The following SLC2A13 variants were observed in gnomAD, a reference collection of about 807,000 sequenced individuals.
The protein encoded by SLC2A13 is solute carrier family 2 member 13.
In SLC2A13, 32 loss-of-function variants were observed where a neutral mutation model predicts 64.4. The ratio of observed to expected loss-of-function variants is 0.50; its 90% CI spans 0.37 to 0.67. The LOEUF is 0.67. Among genes scored for constraint, SLC2A13 ranks in the 30% least tolerant of loss-of-function variants. SLC2A13 has a pLI of 0.00. For synonymous variants in SLC2A13, 338 were observed against 327.1 expected, an observed-to-expected ratio of 1.03 and a Z score of -0.36; for missense variants, 743 against 829.2, an observed-to-expected ratio of 0.90 and a Z score of 1.28.
At chr12:39,989,464 G>A (rs1374943403) in intron 3 of SLC2A13, among the ~76,000 whole-genome samples, 1 of 152,170 alleles carries the variant, frequency 6.6e-6, no homozygotes, top group Non-Finnish European at 1.5e-5. Context: ...CTTTAAGGCA[G>A]GCTTCCTTTC....
chr12:39,982,859 C>T (rs1430733905), intron 3 of SLC2A13, among the ~76,000 whole-genome samples: 45 of 126,192 alleles, frequency 3.6e-4, no homozygotes, highest in East Asian at 9.8e-4. Context: ...AAAAAGAGCC[C>T]GCATTGCCAA....
intron 4 of SLC2A13, among the ~76,000 whole-genome samples, chr12:39,880,781 C>G (rs1437492086): frequency 6.6e-6 from 1 of 152,196 alleles, no homozygotes; most frequent in Non-Finnish European, 1.5e-5. Context: ...CTGGCGGCCT[C>G]AGGAAAGACC....
chr12:39,772,633 A>G (rs751290643), intron 7 of SLC2A13, among the ~76,000 whole-genome samples: 1 of 152,208 alleles, frequency 6.6e-6, no homozygotes, highest in African/African-American at 2.4e-5. Flanking sequence ...AAGAAAAAAG[A>G]AAGGCAGGCA....
chr12:39,990,698 T>C lies in SLC2A13; in HGVS notation c.925+37603A>G, dbSNP rs371340913. On this transcript the variant is annotated intron_variant, in intron 3 of 9. Coordinates refer to ENST00000280871, the MANE Select transcript of SLC2A13 (RefSeq NM_052885.4). ...GTTGTGACACTGTGGGGGGCCTCCATTGCCCCCTAGTGGCAGCTGTGCTTG... is the reference window on the plus strand; with the variant it reads ...GTTGTGACACTGTGGGGGGCCTCCACTGCCCCCTAGTGGCAGCTGTGCTTG... Among the ~76,000 whole-genome samples the C allele has an allele frequency of 3.9e-5, 6 of 152,300 alleles. No individual in the cohort carries two copies. The East Asian group carries it at 5.8e-4, about 15-fold the overall frequency.
intron 6 of SLC2A13, among the ~76,000 whole-genome samples, chr12:39,849,002 C>T (rs1272316409): frequency 6.6e-6 from 1 of 151,980 alleles, no homozygotes; most frequent in Non-Finnish European, 1.5e-5. Context: ...AAGGAAACAA[C>T]AGACACTGGG....
chr12:39,941,970 C>G (rs960263638), intron 4 of SLC2A13, among the ~76,000 whole-genome samples: 6 of 152,288 alleles, frequency 3.9e-5, no homozygotes, highest in Admixed American at 3.9e-4. Context: ...AAAGGATGTC[C>G]TTTCTCCACT....
Position 39,896,583 on chromosome 12 carries a change from T to G in SLC2A13, c.1035-24622A>C, listed in dbSNP as rs561978426. ...ATACATATATGTATGTATGTGTGTATATATGTATACATATATGTATGTATA... is the reference window on the plus strand; with the variant it reads ...ATACATATATGTATGTATGTGTGTAGATATGTATACATATATGTATGTATA... On this transcript the variant is annotated intron_variant, in intron 4 of 9. Coordinates refer to ENST00000280871, the MANE Select transcript of SLC2A13 (RefSeq NM_052885.4). 7.0e-3 allele frequency among the ~76,000 whole-genome samples: 1,054 copies of G among 149,658 alleles called. 15 individuals carry two copies. Among genetic ancestry groups the G allele is most frequent in the South Asian group, 0.011 (54 of 4,734 alleles).
intron 1 of SLC2A13, among the ~76,000 whole-genome samples, chr12:40,054,062 A>G (rs1049354666): frequency 6.6e-6 from 1 of 152,194 alleles, no homozygotes; most frequent in African/African-American, 2.4e-5. Context: ...ACTATTATGT[A>G]TTTGTGTAAT....
chr12:39,965,163 A>C (rs547753773), intron 3 of SLC2A13, among the ~76,000 whole-genome samples: 1 of 152,330 alleles, frequency 6.6e-6, no homozygotes, highest in Admixed American at 6.5e-5. Context: ...TAAGAGCAAC[A>C]TAATACCAAA....
At chr12:39,851,610 T>C (rs779624233) in intron 6 of SLC2A13, among the ~76,000 whole-genome samples, 1 of 152,076 alleles carries the variant, frequency 6.6e-6, no homozygotes, top group Non-Finnish European at 1.5e-5. Flanking sequence ...GAGTAATAGG[T>C]TTCTACAGTA....
At chr12:39,771,643 G>A (rs1310506118) in intron 7 of SLC2A13, among the ~76,000 whole-genome samples, 1 of 152,132 alleles carries the variant, frequency 6.6e-6, no homozygotes. Flanking sequence ...CACAGGAAGT[G>A]CTATATTATT....
At chr12:39,790,202 A>G (rs1207001395) in intron 7 of SLC2A13, among the ~76,000 whole-genome samples, 2 of 55,504 alleles carry the variant, frequency 3.6e-5, no homozygotes, top group South Asian at 7.4e-4. Flanking sequence ...CTAAGTGTAC[A>G]GTGTTTTTTT....
At chr12:39,949,671 A>G (rs1946195827) in intron 4 of SLC2A13, 1 of 152,258 alleles carries the variant, frequency 6.6e-6, no homozygotes, top group African/African-American at 2.4e-5. Context: ...AAAAAAGTAC[A>G]AGAAAAATCC....
intron 9 of SLC2A13, among the ~76,000 whole-genome samples, chr12:39,760,768 C>A (rs376570247): frequency 6.6e-6 from 1 of 152,018 alleles, no homozygotes; most frequent in African/African-American, 2.4e-5. Context: ...CATGTCAATG[C>A]AGAACAGCCA....
intron 7 of SLC2A13, chr12:39,819,781 G>A (rs1441780971): frequency 6.6e-6 from 1 of 152,448 alleles, no homozygotes; most frequent in Non-Finnish European, 1.5e-5. Flanking sequence ...ACATTTAAAA[G>A]GATAAATGCT....
At chr12:39,980,519 C>T (rs2136147190) in intron 3 of SLC2A13, among the ~76,000 whole-genome samples, 1 of 151,724 alleles carries the variant, frequency 6.6e-6, no homozygotes, top group Non-Finnish European at 1.5e-5. Flanking sequence ...GCAGGGGTTG[C>T]AATCCTAGTC....
chr12:39,804,117 A>T (rs1941894391), intron 7 of SLC2A13, among the ~76,000 whole-genome samples: 1 of 152,164 alleles, frequency 6.6e-6, no homozygotes, highest in Non-Finnish European at 1.5e-5. Flanking sequence ...AGTTGGTTAG[A>T]GTGGTGGGGA....
At chr12:40,079,800 T>C (rs1028324442) in intron 1 of SLC2A13, among the ~76,000 whole-genome samples, 4 of 152,244 alleles carry the variant, frequency 2.6e-5, no homozygotes, top group African/African-American at 4.8e-5. Flanking sequence ...GGTGCAAATA[T>C]ACTTAAGATA....
At chr12:39,874,134 A>G (rs1250471216) in intron 4 of SLC2A13, among the ~76,000 whole-genome samples, 1 of 152,192 alleles carries the variant, frequency 6.6e-6, no homozygotes, top group African/African-American at 2.4e-5. Flanking sequence ...TTTGCTGTAG[A>G]ATATTTCTTG....
Sources: gnomAD v4.1 joint callset for allele counts (sites outside exome capture counted in the v4.1 genomes callset) on GRCh38, gnomAD v4.1.1 for gene constraint, MANE v1.5 for transcripts, NCBI Gene and HGNC (gene_info 2026-07-23, HGNC 2026-07-21) for gene names.